Variants in UAP1 observed in about 807,000 individuals in gnomAD.
The protein encoded by UAP1 is UDP-N-acetylglucosamine pyrophosphorylase 1.
UAP1 carries 25 observed loss-of-function variants against 58.5 expected under a neutral mutation model. The observed-to-expected ratio is 0.43, with a 90% CI of 0.31 to 0.60. The LOEUF is 0.60. Among genes scored for constraint, UAP1 ranks in the 20% least tolerant of loss-of-function variants. UAP1 has a pLI of 0.11. For synonymous variants in UAP1, 208 were observed against 213.0 expected (o/e 0.98, Z 0.21); for missense variants, 575 against 630.0 (o/e 0.91, Z 0.93).
At chr1:162,577,209 C>T (rs1327455254) in intron 3 of UAP1, among the ~76,000 whole-genome samples, 1 of 152,000 alleles carries the variant, frequency 6.6e-6, no homozygotes, top group African/African-American at 2.4e-5. Flanking sequence ...ACATTCCTGA[C>T]TGAGTACCTT....
intron 4 of UAP1, among the ~76,000 whole-genome samples, 182 bp downstream of exon 4, chr1:162,579,785 G>T (rs1224041988): frequency 6.6e-6 from 1 of 152,190 alleles, no homozygotes; most frequent in Non-Finnish European, 1.5e-5. Flanking sequence ...ACACTTTTAT[G>T]CTTGTTGTGG....
At chr1:162,589,247 T>TTATATATAAATATATATTTATTTATAA (rs1189168491) in intron 7 of UAP1, among the ~76,000 whole-genome samples, 15 of 125,252 alleles carry the variant, frequency 1.2e-4, no homozygotes, top group South Asian at 1.1e-3. Context: ...AAATTTATAG[T>TTATATATAAATATATATTTATTTATAA]TATATATAAA....
intron 2 of UAP1, among the ~76,000 whole-genome samples, chr1:162,571,806 T>C (rs1022726650): frequency 3.3e-5 from 5 of 152,200 alleles, no homozygotes; most frequent in Non-Finnish European, 5.9e-5. Flanking sequence ...TTGATAAACA[T>C]TGCAACTTTA....
At chr1:162,570,539 T>C (rs7545344) in intron 2 of UAP1, among the ~76,000 whole-genome samples, 7,066 of 152,254 alleles carry the variant, frequency 0.046, 196 homozygotes, top group East Asian at 0.12. Flanking sequence ...TCATATAGTT[T>C]GGTATCTATG....
At chr1:162,580,383 C>T (rs1253194111) in intron 4 of UAP1, among the ~76,000 whole-genome samples, 1 of 152,178 alleles carries the variant, frequency 6.6e-6, no homozygotes, top group African/African-American at 2.4e-5. Flanking sequence ...AAACTGCATA[C>T]AGTCTATGAT....
intron 9 of UAP1, chr1:162,593,130 T>C (rs1480353803): frequency 1.1e-5 from 3 of 273,834 alleles, no homozygotes; most frequent in East Asian, 7.4e-5. Flanking sequence ...GGGTTAAAAA[T>C]ACCATTCTGA....
intron 3 of UAP1, among the ~76,000 whole-genome samples, chr1:162,577,434 C>CTT (rs1557970274): frequency 2.2e-5 from 3 of 138,226 alleles, no homozygotes; most frequent in African/African-American, 8.6e-5. Flanking sequence ...TAGTTCCTTC[C>CTT]CTTTTTTTTT....
intron 2 of UAP1, among the ~76,000 whole-genome samples, chr1:162,567,492 C>T (rs188641907): frequency 2.6e-5 from 4 of 152,264 alleles, no homozygotes; most frequent in Admixed American, 1.3e-4. Context: ...GGCAAAATAG[C>T]TCAACTGTAG....
chr1:162,590,979 A>G (rs1655273995), intron 8 of UAP1, among the ~76,000 whole-genome samples: 1 of 148,138 alleles, frequency 6.8e-6, no homozygotes, highest in Admixed American at 6.8e-5. Flanking sequence ...GTTGGAGTGC[A>G]GTGGCACAGT....
At chr1:162,576,941 G>A (rs1263801052) in exon 3 of UAP1, 8 of 1,614,094 alleles carry the variant, frequency 5.0e-6, no homozygotes, top group East Asian at 2.2e-5. Flanking sequence ...GCTACAGCAG[G>A]TTGCTGAAAA....
In UAP1 at chr1:162,564,909, T is replaced by C. The variant is rs1250905828; in HGVS notation, c.-57-1103T>C. Among the ~76,000 whole-genome samples, 9 of 152,286 alleles carry C rather than the reference T, an allele frequency of 5.9e-5. No individual in the cohort carries two copies. The East Asian group carries it at 1.7e-3, about 29-fold the overall frequency. On this transcript the variant is annotated intron_variant, in intron 1 of 10. Coordinates refer to ENST00000271469, the Ensembl canonical transcript of UAP1. ...TTTATTTTTTTGAGATAGAATTTCCTGTTGCTGAGGCTGGAGTGACATGAT... is the reference window on the plus strand; with the variant it reads ...TTTATTTTTTTGAGATAGAATTTCCCGTTGCTGAGGCTGGAGTGACATGAT...
At chr1:162,575,005 G>T (rs1314599637) in intron 2 of UAP1, among the ~76,000 whole-genome samples, 2 of 152,192 alleles carry the variant, frequency 1.3e-5, no homozygotes, top group Non-Finnish European at 1.5e-5. Context: ...CAGTAATGAA[G>T]ATAGTCTGAG....
chr1:162,577,169 A>G (rs1654240683), intron 3 of UAP1, among the ~76,000 whole-genome samples, 188 bp downstream of exon 3: 1 of 152,100 alleles, frequency 6.6e-6, no homozygotes. Flanking sequence ...TATTGACTTA[A>G]TAAGCAATAT....
chr1:162,576,323 T>G (rs911532828), intron 2 of UAP1, among the ~76,000 whole-genome samples: 3 of 152,184 alleles, frequency 2.0e-5, no homozygotes, highest in Non-Finnish European at 4.4e-5. Context: ...CCACATCAAT[T>G]AGTCATCAAA....
intron 5 of UAP1, among the ~76,000 whole-genome samples, chr1:162,582,288 A>T (rs1654638426): frequency 6.6e-6 from 1 of 152,194 alleles, no homozygotes; most frequent in Admixed American, 6.5e-5. Context: ...TAGAATAAAC[A>T]TGTAAAGGTG....
chr1:162,576,043 A>G (rs1308627545), intron 2 of UAP1, among the ~76,000 whole-genome samples: 1 of 152,192 alleles, frequency 6.6e-6, no homozygotes, highest in Admixed American at 6.5e-5. Flanking sequence ...TTCCATCACC[A>G]TACAAAGACT....
chr1:162,596,301 G>A (rs1027712840), intron 9 of UAP1, among the ~76,000 whole-genome samples: 1 of 151,572 alleles, frequency 6.6e-6, no homozygotes, highest in Non-Finnish European at 1.5e-5. Flanking sequence ...TCAGCCTCCG[G>A]AGTAGCTGGC....
intron 1 of UAP1, 26 bp from the exon 2 acceptor site, chr1:162,565,986 T>C: frequency 7.0e-7 from 1 of 1,425,614 alleles, no homozygotes; most frequent in Non-Finnish European, 9.5e-7. Context: ...GATTTTGACA[T>C]GCCATTAATT....
intron 2 of UAP1, among the ~76,000 whole-genome samples, chr1:162,575,456 AAG>A (rs1053175532): frequency 6.6e-6 from 1 of 151,504 alleles, no homozygotes; most frequent in Non-Finnish European, 1.5e-5. Context: ...GTTTTTGAGA[AAG>A]AGTTTTACTG....
Sources: allele counts gnomAD v4.1 joint callset (sites outside exome capture counted in the v4.1 genomes callset), GRCh38; gene constraint gnomAD v4.1.1; transcripts MANE v1.5; gene names NCBI Gene and HGNC (gene_info 2026-07-23, HGNC 2026-07-21).